Variants in KAZN observed in about 807,000 individuals in gnomAD.
KAZN encodes kazrin.
A neutral mutation model predicts 87.4 loss-of-function variants in KAZN; 40 were observed. That is an observed-to-expected ratio of 0.46 (90% CI 0.36 to 0.60). The LOEUF (loss-of-function observed/expected upper bound fraction) is 0.60, where lower values mean the gene tolerates loss of function less well. Among genes scored for constraint, KAZN ranks in the 20% least tolerant of loss-of-function variants. The pLI is 0.00. For synonymous variants in KAZN, 466 were observed against 458.3 expected (o/e 1.02, Z -0.22); for missense variants, 898 against 1,073.9 (o/e 0.84, Z 2.29).
chr1:15,012,386 A>G (rs1326542659), intron 2 of KAZN, among the ~76,000 whole-genome samples: 1 of 152,188 alleles, frequency 6.6e-6, no homozygotes, highest in African/African-American at 2.4e-5. Flanking sequence ...TAAAAGACCC[A>G]GTTAAGCCCA....
intron 2 of KAZN, among the ~76,000 whole-genome samples, chr1:14,985,608 G>A (rs1408982330): frequency 6.6e-6 from 1 of 152,174 alleles, no homozygotes; most frequent in Non-Finnish European, 1.5e-5. Flanking sequence ...CGGACATTAT[G>A]GGCTTCCTGA....
At chr1:14,516,692 C>T (rs961964928) in intron 2 of KAZN, among the ~76,000 whole-genome samples, 5 of 152,322 alleles carry the variant, frequency 3.3e-5, no homozygotes, top group Admixed American at 6.5e-5. Flanking sequence ...ACTGTCAGCT[C>T]CTTGAGGGCA....
rs1338876410 is a variant in KAZN at position 14,792,974 on chromosome 1, CA to C, written c.227-167693del. 7.3e-3 allele frequency among the ~76,000 whole-genome samples: 800 copies of C among 108,888 alleles called. 2 individuals carry two copies. The highest frequency in any genetic ancestry group is 9.5e-3 in the Non-Finnish European group (525 of 55,028). 71.4% of individuals were successfully genotyped at this position (108,888 alleles called of 152,430 possible). A position where few individuals can be genotyped will look rare whatever the true frequency, so the allele number is the denominator to read the frequency against. On this transcript the variant is annotated intron_variant, in intron 1 of 14. Transcript: ENST00000376030. The stretch of plus-strand genomic sequence containing the variant: ...CTGGCAACAGAGTGAGACTCTGTCT[CA>C]AAAAAAAAAAAAAAAACATTCAGGA...
intron 1 of KAZN, among the ~76,000 whole-genome samples, chr1:14,867,727 C>CT (rs1350809566): frequency 9.0e-6 from 1 of 111,364 alleles, no homozygotes; most frequent in Non-Finnish European, 1.9e-5. Flanking sequence ...TGAAGACACC[C>CT]CCCCCCCCAC....
At chr1:14,638,180 C>G (rs1355398767) in intron 1 of KAZN, among the ~76,000 whole-genome samples, 3 of 152,208 alleles carry the variant, frequency 2.0e-5, no homozygotes, top group African/African-American at 7.2e-5. Context: ...TGCAAAGACC[C>G]TGTTTCCAAA....
intron 2 of KAZN, among the ~76,000 whole-genome samples, chr1:14,575,018 AT>A (rs111311724): frequency 0.098 from 14,984 of 152,192 alleles, 795 homozygotes; most frequent in Non-Finnish European, 0.12. Flanking sequence ...CTTATGGCAC[AT>A]TTGAGGATTC....
intron 1 of KAZN, among the ~76,000 whole-genome samples, chr1:14,040,854 GAAA>G: frequency 6.6e-6 from 1 of 151,366 alleles, no homozygotes; most frequent in Non-Finnish European, 1.5e-5. Context: ...GTTCACTTTG[GAAA>G]ACCAATATTT....
chr1:14,849,045 T>C (rs546999161), intron 1 of KAZN, among the ~76,000 whole-genome samples: 1 of 152,274 alleles, frequency 6.6e-6, no homozygotes, highest in Non-Finnish European at 1.5e-5. Flanking sequence ...GCCCCTGCCC[T>C]CATTTTACAG....
At chr1:14,455,213 T>C (rs1667501075) in intron 2 of KAZN, among the ~76,000 whole-genome samples, 2 of 152,264 alleles carry the variant, frequency 1.3e-5, no homozygotes, top group Admixed American at 6.5e-5. Flanking sequence ...TTAGTATTTA[T>C]TAACAACCAT....
chr1:14,060,280 G>T (rs561958494), intron 1 of KAZN, among the ~76,000 whole-genome samples: 2 of 151,380 alleles, frequency 1.3e-5, no homozygotes, highest in Admixed American at 1.3e-4. Context: ...GGAGAATGGC[G>T]TGAAACCGGG....
At chr1:14,200,775 T>C (rs1209374530) in intron 2 of KAZN, among the ~76,000 whole-genome samples, 2 of 152,210 alleles carry the variant, frequency 1.3e-5, no homozygotes, top group African/African-American at 4.8e-5. Flanking sequence ...CCTATTGAGA[T>C]AACTGATTCA....
intron 1 of KAZN, among the ~76,000 whole-genome samples, chr1:14,873,857 A>G (rs1251771279): frequency 6.6e-6 from 1 of 152,222 alleles, no homozygotes; most frequent in African/African-American, 2.4e-5. Flanking sequence ...GTTCAAAGGT[A>G]GAGCCAGCAG....
intron 2 of KAZN, among the ~76,000 whole-genome samples, chr1:14,306,338 C>T (rs1161806379): frequency 2.6e-5 from 4 of 152,152 alleles, no homozygotes; most frequent in Non-Finnish European, 4.4e-5. Flanking sequence ...CCGTGGACCA[C>T]GCATGAGCTC....
chr1:14,431,034 G>A (rs185921001), intron 2 of KAZN, among the ~76,000 whole-genome samples: 61 of 152,264 alleles, frequency 4.0e-4, no homozygotes, highest in Admixed American at 2.4e-3. Context: ...AAGTTATCAT[G>A]GTTTGTAATT....
intron 1 of KAZN, among the ~76,000 whole-genome samples, chr1:14,932,405 T>C (rs1416987532): frequency 6.6e-6 from 1 of 152,276 alleles, no homozygotes; most frequent in Non-Finnish European, 1.5e-5. Context: ...TTCTATTTAC[T>C]CTCTACCCTT....
At chr1:14,774,207 G>A (rs1487446850) in intron 1 of KAZN, among the ~76,000 whole-genome samples, 1 of 152,178 alleles carries the variant, frequency 6.6e-6, no homozygotes, top group Non-Finnish European at 1.5e-5. Flanking sequence ...GAGTCTGATA[G>A]AAAGTAGAAC....
At chr1:14,308,000 G>A (rs901230157) in intron 2 of KAZN, among the ~76,000 whole-genome samples, 2 of 152,194 alleles carry the variant, frequency 1.3e-5, no homozygotes, top group African/African-American at 2.4e-5. Context: ...TGCCAAAAAT[G>A]TGTAACTTGA....
At chr1:13,976,790 CTG>C (rs1277924528) in intron 1 of KAZN, among the ~76,000 whole-genome samples, 2 of 152,144 alleles carry the variant, frequency 1.3e-5, no homozygotes, top group East Asian at 3.9e-4. Flanking sequence ...AGTGGCAGCA[CTG>C]TGTGTTTTTT....
chr1:14,082,228 C>A (rs1480821478), intron 1 of KAZN, among the ~76,000 whole-genome samples: 4 of 152,140 alleles, frequency 2.6e-5, no homozygotes, highest in Admixed American at 2.6e-4. Context: ...GTGAGGACTG[C>A]CTTTTATATA....
Sources: allele counts gnomAD v4.1 joint callset (sites outside exome capture counted in the v4.1 genomes callset), GRCh38; gene constraint gnomAD v4.1.1; transcripts MANE v1.5; gene names NCBI Gene and HGNC (gene_info 2026-07-23, HGNC 2026-07-21).